Variants in FLNC observed in about 807,000 individuals in gnomAD.
The protein encoded by FLNC is filamin-C.
In FLNC, 91 loss-of-function variants were observed where a neutral mutation model predicts 254.3. That is an observed-to-expected ratio of 0.36 (90% CI 0.30 to 0.43). The LOEUF is 0.43. Among genes scored for constraint, FLNC ranks in the 20% least tolerant of loss-of-function variants. The probability of loss-of-function intolerance (pLI) is 1.00; values close to 1 mark genes in which losing one functional copy is unlikely to be tolerated. For missense variants in FLNC, 2,853 were observed against 3,802.6 expected, an observed-to-expected ratio of 0.75 and a Z score of 6.57; for synonymous variants, 1,430 against 1,577.2, an observed-to-expected ratio of 0.91 and a Z score of 2.21.
chr7:128,841,099 T>C lies in FLNC; in HGVS notation c.1814-71T>C. 1 of 1,587,840 alleles carries C rather than the reference T, an allele frequency of 6.3e-7. No individual in the cohort carries two copies. Among genetic ancestry groups the C allele is most frequent in the Non-Finnish European group, 8.6e-7 (1 of 1,161,124 alleles). On this transcript the variant is annotated intron_variant, in intron 11 of 47. Coordinates refer to ENST00000325888, the MANE Select transcript of FLNC (RefSeq NM_001458.5). This position sits in a 1 kb window ranked among gnomAD's most constrained non-coding sequence, Gnocchi z 4.3. ...CAGGGAGATAGGACATGAGGGCAGC[T>C]AGAGGGGAGCTGGGGGACGGAAGGG...
rs201376957 is a variant in FLNC at position 128,846,715 on chromosome 7, T to C, written c.4128-30T>C. On this transcript the variant is annotated intron_variant, in intron 23 of 47. Transcript: ENST00000325888. ...CCCTCATCCTCACTCACTGGTCTTA[T>C]GAAGCTGATGGGGGGATGTTATCTC... is the stretch of plus-strand genomic sequence containing the variant. 1,623 of 1,609,576 alleles carry C rather than the reference T, an allele frequency of 1.0e-3. 2 individuals are homozygous for C. Among genetic ancestry groups the C allele is most frequent in the Admixed American group, 1.7e-3 (103 of 59,954 alleles).
Position 128,856,557 on chromosome 7 carries a change from G to A in FLNC, c.7291G>A (p.Val2431Met), listed in dbSNP as rs572952653. 4.0e-5 allele frequency: 64 copies of A among 1,612,924 alleles called. No individual in the cohort carries two copies. The Admixed American group carries it at 7.7e-4, about 19-fold the overall frequency. ...GGTGAACCAGCCAGCGTCCTTTGCC[G>A]TGCAGCTGAACGGTGCCCGGGGCGT... is the stretch of plus-strand genomic sequence containing the variant. ...LKVNQPASFA[V>M]QLNGARGVID... The change falls in exon 44 of 48, where the codon GTG (valine) becomes ATG (methionine). Residue 2431 changes from valine (V) to methionine (M), a missense_variant. Val to Met is a conservative substitution (Grantham distance 21). Coordinates refer to ENST00000325888, the MANE Select transcript of FLNC (RefSeq NM_001458.5). The surrounding 1 kb of genome is among the most constrained non-coding windows in gnomAD (Gnocchi z 5.9).
intron 21 of FLNC, 28 bp downstream of exon 21, chr7:128,845,283 G>A (rs768836599): frequency 1.3e-6 from 2 of 1,583,076 alleles, no homozygotes; most frequent in Non-Finnish European, 1.7e-6. Context: ...GCCAAGAAAG[G>A]TCAAGTGGCA....
At position 128,850,000 on chromosome 7, in the gene FLNC, G is replaced by A. The variant is rs774458113; in HGVS notation, c.5224G>A (p.Glu1742Lys). The change falls in exon 31 of 48, where the codon GAG becomes AAG. Residue 1742 changes from glutamate to lysine, a missense_variant. This residue lies in a region of FLNC where 258 missense variants were observed against 312.3 expected (regional missense o/e 0.83). Coordinates refer to ENST00000325888, the MANE Select transcript of FLNC (RefSeq NM_001458.5). ...GGCGTGTGACCCCCTGCCGCACGAG[G>A]AGGAGCCCTCTGAAGTGCCACAGCT... Reference protein sequence around the residue: ...VLACDPLPHEEEPSEVPQLRQ... With the variant: ...VLACDPLPHEKEPSEVPQLRQ... The A allele has an allele frequency of 1.0e-5, 16 of 1,584,278 alleles. No individual in the cohort carries two copies. The East Asian group carries it at 3.6e-4, about 36-fold the overall frequency.
rs1807859118 is a variant in FLNC, at chr7:128,830,865, G to A, written c.228G>A (p.Val76=). 6.2e-7 allele frequency: 1 copy of A among 1,613,144 alleles called. No homozygotes were observed. Among genetic ancestry groups the A allele is most frequent in the East Asian group, 2.2e-5 (1 of 44,872 alleles). The change falls in exon 1 of 48, where the codon GTG becomes GTA. Residue 76 remains valine (V), a synonymous_variant. Transcript: ENST00000325888. ...TCCGGCTCATCGCGCTGCTCGAGGT[G>A]CTCAGCCAGAAGCGCATGTACCGCA... is the stretch of plus-strand genomic sequence containing the variant. ...DGLRLIALLE[V]LSQKRMYRKF... is the part of the protein sequence containing the mutation.
rs1159867164 is a variant in FLNC at position 128,836,001 on chromosome 7, G to A, written c.601+427G>A. On this transcript the variant is annotated intron_variant, in intron 2 of 47. Transcript: ENST00000325888. The surrounding 1 kb of genome is among the most constrained non-coding windows in gnomAD (Gnocchi z 6.0). ...GTGACCAGGACTTGTAGCAAGACCA[G>A]GAGTTAGATCCAGAGAAGGCTCTTC... Among the ~76,000 whole-genome samples, 1 of 152,186 alleles carries A rather than the reference G, an allele frequency of 6.6e-6. No homozygotes were observed. Among genetic ancestry groups the A allele is most frequent in the Non-Finnish European group, 1.5e-5 (1 of 68,036 alleles).
intron 42 of FLNC, 100 bp downstream of exon 42, chr7:128,855,012 C>T: frequency 7.4e-7 from 1 of 1,351,762 alleles, no homozygotes; most frequent in Non-Finnish European, 1.1e-6. Context: ...CACAGAACTC[C>T]CCTCCCCGGA....
intron 39 of FLNC, 33 bp from the exon 40 acceptor site, chr7:128,853,941 C>G (rs1176010343): frequency 6.2e-7 from 1 of 1,613,184 alleles, no homozygotes; most frequent in Non-Finnish European, 8.5e-7. Context: ...CCCCTCGCTT[C>G]CCTCCCTCAC....
intron 22 of FLNC, 53 bp downstream of exon 22, chr7:128,846,216 C>CGGGCAAGTGGGCA: frequency 1.2e-6 from 2 of 1,612,600 alleles, no homozygotes; most frequent in Admixed American, 1.7e-5. Context: ...TGGGCAGGGC[C>CGGGCAAGTGGGCA]GGGATCTGAT....
chr7:128,830,432 T>G lies in FLNC; in HGVS notation c.-206T>G. 5.1e-6 allele frequency: 3 copies of G among 591,420 alleles called. No individual in the cohort carries two copies. The highest frequency in any genetic ancestry group is 2.0e-5 in the South Asian group (1 of 50,378). The allele number at this position is 591,420 out of a possible 1,614,324, so 36.6% of individuals were successfully genotyped here. A position where few individuals can be genotyped will look rare whatever the true frequency, so the allele number is the denominator to read the frequency against. On this transcript the variant is annotated 5_prime_UTR_variant, in exon 1 of 48. Coordinates refer to ENST00000325888, the MANE Select transcript of FLNC (RefSeq NM_001458.5). ...CCCTTCCCGAGCACCGCTCCGGCCC[T>G]GGAGGGAGAGAGAGCCAGAGAGCGG... is the stretch of plus-strand genomic sequence containing the variant.
chr7:128,843,098 A>G lies in FLNC; in HGVS notation c.2551-131A>G. On this transcript the variant is annotated intron_variant, in intron 16 of 47. Coordinates refer to ENST00000325888, the MANE Select transcript of FLNC (RefSeq NM_001458.5). ...GTGTGAGGCAGGGTGCCTCAGAGGA[A>G]GCAAAGGGGGCCCTTTTGGAGGCTG... 2.2e-6 allele frequency: 3 copies of G among 1,367,442 alleles called. No individual in the cohort carries two copies. In the South Asian group the frequency reaches 3.7e-5, roughly 17 times the overall value. The allele number at this position is 1,367,442 out of a possible 1,614,324, so 84.7% of individuals were successfully genotyped here.
At position 128,840,955 on chromosome 7, in the gene FLNC, G is replaced by A. The variant is rs760911646; in HGVS notation, c.1798G>A (p.Glu600Lys). 10 of 1,598,960 alleles carry A rather than the reference G, an allele frequency of 6.3e-6. No homozygotes were observed. Among genetic ancestry groups the A allele is most frequent in the South Asian group, 2.2e-5 (2 of 89,470 alleles). Residue 600 changes from glutamate (E) to lysine (K), a missense_variant, in exon 11 of 48, where the codon GAG becomes AAG. This residue lies in a region of FLNC where 1,573 missense variants were observed against 1,883.5 expected (regional missense o/e 0.84). Coordinates refer to ENST00000325888, the MANE Select transcript of FLNC (RefSeq NM_001458.5). ...ADFVVEAIGT[E>K]VGTLGFSIEG... ...TTTTGTGGTGGAAGCCATTGGCACC[G>A]AGGTGGGGACACTGGGTAAGTGGCT...
In FLNC at chr7:128,840,044, G is replaced by C. The variant is rs749593461; in HGVS notation, c.1433G>C (p.Arg478Pro). Residue 478 changes from arginine to proline, a missense_variant, in exon 9 of 48, where the codon CGC (arginine) becomes CCC (proline). This residue lies in a region of FLNC where 1,573 missense variants were observed against 1,883.5 expected (regional missense o/e 0.84). Transcript: ENST00000325888. Reference sequence around the variant, plus strand: ...CTAGCCTGTAACCCCAACGCCTGCCGCGCCTCTGGGCGAGGCCTGCAGCCC... The same window carrying C: ...CTAGCCTGTAACCCCAACGCCTGCCCCGCCTCTGGGCGAGGCCTGCAGCCC... ...VSEACNPNAC[R>P]ASGRGLQPKG... 1 of 1,613,886 alleles carries C rather than the reference G, an allele frequency of 6.2e-7. No individual in the cohort carries two copies. The highest frequency in any genetic ancestry group is 8.5e-7 in the Non-Finnish European group (1 of 1,180,038).
intron 1 of FLNC, among the ~76,000 whole-genome samples, chr7:128,831,889 A>G (rs1256562262): frequency 6.6e-6 from 1 of 152,116 alleles, no homozygotes; most frequent in Non-Finnish European, 1.5e-5. Flanking sequence ...TCCTGCCCTC[A>G]GAGTCCTGCA....
intron 43 of FLNC, among the ~76,000 whole-genome samples, chr7:128,855,842 G>A (rs1407368211): frequency 6.6e-6 from 1 of 152,204 alleles, no homozygotes; most frequent in Non-Finnish European, 1.5e-5. Context: ...TGCAAGGAAG[G>A]CTTTCAGCAA....
At position 128,854,779 on chromosome 7, in the gene FLNC, G is replaced by C; in HGVS notation, c.7002G>C (p.Glu2334Asp). The change falls in exon 42 of 48, where the codon GAG (glutamate) becomes GAC (aspartate). Residue 2334 changes from glutamate to aspartate, a missense_variant. By Grantham distance (45) the Glu-to-Asp change is conservative. Transcript: ENST00000325888. ...CACTACCTTGCCTGTCCCCAGCCGA[G>C]TTCAGCATCTGGACCCGGGAGGCTG... ...LERGVAGVPA[E>D]FSIWTREAGA... is the part of the protein sequence containing the mutation. 6.2e-7 allele frequency: 1 copy of C among 1,614,134 alleles called. No individual in the cohort carries two copies. The highest frequency in any genetic ancestry group is 8.5e-7 in the Non-Finnish European group (1 of 1,180,040).
In FLNC at chr7:128,853,847, TG is replaced by T; in HGVS notation, c.6484+12del. 1 of 1,613,206 alleles carries T rather than the reference TG, an allele frequency of 6.2e-7. No individual in the cohort carries two copies. Among genetic ancestry groups the T allele is most frequent in the East Asian group, 2.2e-5 (1 of 44,842 alleles). On this transcript the variant is annotated intron_variant, in intron 39 of 47. Transcript: ENST00000325888. ...AACCTCAAGATCCCAGGTAGAAGCC[TG>T]GAGGACCCTGGGTGGGGCGGGTGGT...
intron 1 of FLNC, among the ~76,000 whole-genome samples, chr7:128,834,668 G>GA (rs1488150437): frequency 6.6e-6 from 1 of 151,762 alleles, no homozygotes; most frequent in Non-Finnish European, 1.5e-5. Flanking sequence ...TGTCTAGAGT[G>GA]AAAAAAACCA....
At chr7:128,837,324 G>T in intron 3 of FLNC, 67 bp downstream of exon 3, 1 of 1,611,604 alleles carries the variant, frequency 6.2e-7, no homozygotes, top group Admixed American at 1.7e-5. Flanking sequence ...AAGTTTACCT[G>T]GCCAGGGTGC....
Sources: allele counts gnomAD v4.1 joint callset (sites outside exome capture counted in the v4.1 genomes callset), GRCh38; gene constraint gnomAD v4.1.1; regional missense constraint gnomAD v4.1.1; non-coding constraint Gnocchi (gnomAD v3.1); transcripts MANE v1.5; gene names NCBI Gene and HGNC (gene_info 2026-07-23, HGNC 2026-07-21).